Variants in ORC5 observed in about 807,000 individuals in gnomAD.
ORC5 encodes protein phosphatase 1, regulatory subunit 117.
In ORC5, 39 loss-of-function variants were observed where a neutral mutation model predicts 58.8. That is an observed-to-expected ratio of 0.66 (90% CI 0.51 to 0.87). The LOEUF is 0.87. ORC5 is among the 40% of genes least tolerant of loss of function. The pLI, the probability that ORC5 is intolerant of heterozygous loss-of-function variation, is 0.00. For missense variants in ORC5, 493 were observed against 506.3 expected (o/e 0.97, Z 0.25); for synonymous variants, 218 against 177.6 (o/e 1.23, Z -1.81).
At chr7:104,139,069 G>A (rs921182997) in intron 12 of ORC5, among the ~76,000 whole-genome samples, 3 of 152,156 alleles carry the variant, frequency 2.0e-5, no homozygotes, top group Non-Finnish European at 4.4e-5. Context: ...AGTCAGCAAT[G>A]GCAGTAAGAT....
At chr7:104,197,052 T>C (rs1293039127) in intron 4 of ORC5, among the ~76,000 whole-genome samples, 1 of 152,204 alleles carries the variant, frequency 6.6e-6, no homozygotes, top group Non-Finnish European at 1.5e-5. Context: ...TATTGGGCCA[T>C]GACATTCACA....
At chr7:104,189,000 T>C (rs572560914) in intron 5 of ORC5, among the ~76,000 whole-genome samples, 1 of 152,072 alleles carries the variant, frequency 6.6e-6, no homozygotes, top group South Asian at 2.1e-4. Context: ...CCACAGACTG[T>C]GAGTCTATTA....
rs555295114 is a variant in ORC5, at chr7:104,133,153, A to G, written c.1262+3628T>C. The stretch of plus-strand genomic sequence containing the variant: ...CCCAAGAGCTATGGGAAACTACTGA[A>G]TATTTTTAATGAGCAGGGTGACATT... On this transcript the variant is annotated intron_variant, in intron 13 of 13. Coordinates refer to ENST00000297431, the MANE Select transcript of ORC5 (RefSeq NM_002553.4). The surrounding 1 kb of genome is among the most constrained non-coding windows in gnomAD (Gnocchi z 4.7). Among the ~76,000 whole-genome samples, 2 of 152,278 alleles carry G rather than the reference A, an allele frequency of 1.3e-5. No homozygotes were observed. The highest frequency in any genetic ancestry group is 1.9e-4 in the East Asian group (1 of 5,186).
At chr7:104,187,919 T>A in intron 6 of ORC5, 1 of 997,126 alleles carries the variant, frequency 1.0e-6, no homozygotes, top group Non-Finnish European at 1.2e-6. Context: ...AGTTTTTACA[T>A]CTCTTTTCTG....
chr7:104,166,414 G>C (rs1157108644), intron 10 of ORC5, among the ~76,000 whole-genome samples: 4 of 152,212 alleles, frequency 2.6e-5, no homozygotes, highest in African/African-American at 4.8e-5. Context: ...TGTATGTACA[G>C]GAGAGGCTCC....
In ORC5 at chr7:104,129,510, A is replaced by G. The variant is rs954703029; in HGVS notation, c.1263-2617T>C. On this transcript the variant is annotated intron_variant, in intron 13 of 13. Coordinates refer to ENST00000297431, the MANE Select transcript of ORC5 (RefSeq NM_002553.4). The surrounding 1 kb of genome is among the most constrained non-coding windows in gnomAD (Gnocchi z 4.9). ...CCCAATATAAATAGGTAACTTGCCA[A>G]TTGATCTCACATATATTATTTTAAG... 1.3e-5 allele frequency among the ~76,000 whole-genome samples: 2 copies of G among 152,212 alleles called. No homozygotes were observed. Among genetic ancestry groups the G allele is most frequent in the African/African-American group, 4.8e-5 (2 of 41,450 alleles).
rs1410244455 is a variant in ORC5 at position 104,136,974 on chromosome 7, TAA to T, written c.1150-83_1150-82del. The T allele has an allele frequency of 1.6e-5, 15 of 920,344 alleles. No individual in the cohort carries two copies. The highest frequency in any genetic ancestry group is 2.4e-5 in the Non-Finnish European group (14 of 577,328). 57.0% of individuals were successfully genotyped at this position (920,344 alleles called of 1,614,324 possible). On this transcript the variant is annotated intron_variant, in intron 12 of 13. Coordinates refer to ENST00000297431, the MANE Select transcript of ORC5 (RefSeq NM_002553.4). This position sits in a 1 kb window ranked among gnomAD's most constrained non-coding sequence, Gnocchi z 4.2. ...GTTTCTGAAACATCTTATAGTCTGA[TAA>T]AGATACATAACTGAATCACAAAAAA...
At chr7:104,153,914 GCTA>G (rs1798883628) in intron 12 of ORC5, among the ~76,000 whole-genome samples, 2 of 151,974 alleles carry the variant, frequency 1.3e-5, no homozygotes, top group African/African-American at 4.8e-5. Flanking sequence ...AATGAATGTA[GCTA>G]CTTTTTGTAG....
intron 3 of ORC5, among the ~76,000 whole-genome samples, chr7:104,199,176 C>A (rs1799872978): frequency 8.3e-3 from 1 of 120 alleles, no homozygotes; most frequent in Non-Finnish European, 0.016. Flanking sequence ...CTACAGAGTC[C>A]CCACTGGGCA....
chr7:104,166,311 G>T (rs1046214836), intron 10 of ORC5, among the ~76,000 whole-genome samples: 3 of 151,520 alleles, frequency 2.0e-5, no homozygotes, highest in African/African-American at 7.3e-5. Context: ...ATGTTTTGAG[G>T]AAAGAGGAAA....
chr7:104,128,216 C>T (rs992687341), intron 13 of ORC5, among the ~76,000 whole-genome samples: 3 of 152,018 alleles, frequency 2.0e-5, no homozygotes, highest in African/African-American at 7.2e-5. Context: ...TCCACCTCCC[C>T]GGTTCAAGCA....
intron 5 of ORC5, among the ~76,000 whole-genome samples, chr7:104,191,381 A>G (rs183114648): frequency 6.6e-6 from 1 of 152,198 alleles, no homozygotes; most frequent in African/African-American, 2.4e-5. Flanking sequence ...ACATAAAGCA[A>G]AACAACAACA....
chr7:104,128,473 G>A (rs1455370909), intron 13 of ORC5, among the ~76,000 whole-genome samples: 1 of 152,026 alleles, frequency 6.6e-6, no homozygotes, highest in East Asian at 1.9e-4. Flanking sequence ...ATCTTATTTA[G>A]AGGACCATAG....
At chr7:104,176,599 C>T (rs78626852) in intron 8 of ORC5, among the ~76,000 whole-genome samples, 6,784 of 152,106 alleles carry the variant, frequency 0.045, 498 homozygotes, top group African/African-American at 0.15. Context: ...CTATAATGGA[C>T]GTGTCTAGCC....
At chr7:104,176,769 CTTG>C (rs1584505962) in intron 8 of ORC5, among the ~76,000 whole-genome samples, 1 of 152,090 alleles carries the variant, frequency 6.6e-6, no homozygotes, top group African/African-American at 2.4e-5. Context: ...TGGTTTTAAA[CTTG>C]TTGATAAAAT....
intron 8 of ORC5, among the ~76,000 whole-genome samples, chr7:104,169,470 G>T (rs1359158294): frequency 6.6e-6 from 1 of 151,940 alleles, no homozygotes; most frequent in Non-Finnish European, 1.5e-5. Flanking sequence ...AATGCCCTAC[G>T]ACAGTTTTAG....
intron 8 of ORC5, 97 bp from the exon 9 acceptor site, chr7:104,168,622 T>A (rs943120891): frequency 1.7e-6 from 1 of 600,588 alleles, no homozygotes. Context: ...TTTTTTTATT[T>A]ATTAACAAAA....
intron 5 of ORC5, among the ~76,000 whole-genome samples, chr7:104,192,621 T>A (rs1044256973): frequency 6.6e-6 from 1 of 152,046 alleles, no homozygotes; most frequent in East Asian, 1.9e-4. Context: ...AAGCACAATG[T>A]CTATAATTCT....
intron 2 of ORC5, among the ~76,000 whole-genome samples, chr7:104,201,914 ACT>A (rs10579456): frequency 0.31 from 47,228 of 151,370 alleles, 7,931 homozygotes; most frequent in East Asian, 0.52. Context: ...ACACAGTGAG[ACT>A]CTGTCTTTAA....
Sources: gnomAD v4.1 joint callset for allele counts (sites outside exome capture counted in the v4.1 genomes callset) on GRCh38, gnomAD v4.1.1 for gene constraint, Gnocchi (gnomAD v3.1) non-coding constraint, MANE v1.5 for transcripts, NCBI Gene and HGNC (gene_info 2026-07-23, HGNC 2026-07-21) for gene names.